CCDC97: variants seen among roughly 807,000 people sequenced by gnomAD.
The protein encoded by CCDC97 is coiled-coil domain-containing protein 97.
Under a neutral mutation model 33.9 loss-of-function variants are expected in CCDC97, and 27 were observed. The ratio of observed to expected loss-of-function variants is 0.80; its 90% confidence interval spans 0.59 to 1.10. The LOEUF is 1.10. CCDC97 is among the 50% of genes least tolerant of loss of function. The pLI is 0.00. For synonymous variants in CCDC97, 217 were observed against 194.0 expected, an observed-to-expected ratio of 1.12 and a Z score of -0.99; for missense variants, 422 against 476.6, an observed-to-expected ratio of 0.89 and a Z score of 1.07.
In CCDC97 at chr19:41,323,167, T is replaced by C. The variant is rs1381682619; in HGVS notation, c.*452T>C. 2 of 163,748 alleles carry C rather than the reference T, an allele frequency of 1.2e-5. No individual in the cohort carries two copies. The highest frequency in any genetic ancestry group is 1.4e-4 in the South Asian group (1 of 7,102). 10.1% of individuals were successfully genotyped at this position (163,748 alleles called of 1,614,324 possible). On this transcript the variant is annotated 3_prime_UTR_variant, in exon 5 of 5. Coordinates refer to ENST00000269967, the MANE Select transcript of CCDC97 (RefSeq NM_052848.3). ...CTGGAAGTGGCCAGTTTGGTTCCGG[T>C]GCTGACCCCTAGGCCCCAGCGCAGC... is the stretch of plus-strand genomic sequence containing the variant.
chr19:41,320,691 G>A, intron 4 of CCDC97: 1 of 539,438 alleles, frequency 1.9e-6, no homozygotes. Context: ...CTAAGGCAGG[G>A]GATGGACAGG....
In CCDC97 at chr19:41,320,438, C is replaced by T; in HGVS notation, c.879C>T (p.Phe293=). 1 of 1,614,150 alleles carries T rather than the reference C, an allele frequency of 6.2e-7. No homozygotes were observed. Among genetic ancestry groups the T allele is most frequent in the Non-Finnish European group, 8.5e-7 (1 of 1,180,022 alleles). ...EEFTSRMHQR[F]LDGKDGDFDY... ...TCACCAGCCGCATGCACCAGCGCTT[C>T]CTAGATGGCAAGGACGGGGACTTTG... is the stretch of plus-strand genomic sequence containing the variant. Residue 293 remains phenylalanine (F), a synonymous_variant, in exon 4 of 5, where the codon TTC becomes TTT. Coordinates refer to ENST00000269967, the MANE Select transcript of CCDC97 (RefSeq NM_052848.3).
chr19:41,320,283 TGCTCA>T, intron 3 of CCDC97, 53 bp from the exon 4 acceptor site: 2 of 1,605,192 alleles, frequency 1.2e-6, no homozygotes, highest in Non-Finnish European at 8.5e-7. Flanking sequence ...GTGGACTCTG[TGCTCA>T]GTGCCTGCCC....
Position 41,322,840 on chromosome 19 carries a change from A to C in CCDC97, c.*125A>C. 2 of 1,092,174 alleles carry C rather than the reference A, an allele frequency of 1.8e-6. No homozygotes were observed. The highest frequency in any genetic ancestry group is 2.6e-6 in the Non-Finnish European group (2 of 770,860). 67.7% of individuals were successfully genotyped at this position (1,092,174 alleles called of 1,614,324 possible). A position where few individuals can be genotyped will look rare whatever the true frequency, so the allele number is the denominator to read the frequency against. On this transcript the variant is annotated 3_prime_UTR_variant, in exon 5 of 5. Coordinates refer to ENST00000269967, the MANE Select transcript of CCDC97 (RefSeq NM_052848.3). ...CAGTGCCCCACAACCCACACACACC[A>C]CCATCTCACTGGGTCTAGTCTCATC... is the stretch of plus-strand genomic sequence containing the variant.
At chr19:41,310,449 T>C in intron 1 of CCDC97, 93 bp downstream of exon 1, 3 of 1,530,912 alleles carry the variant, frequency 2.0e-6, no homozygotes, top group Non-Finnish European at 2.6e-6. Flanking sequence ...GGACTCGTTT[T>C]AGGGGGACAC....
intron 1 of CCDC97, among the ~76,000 whole-genome samples, chr19:41,315,427 C>T (rs1007653938): frequency 3.3e-5 from 5 of 150,622 alleles, no homozygotes; most frequent in South Asian, 2.1e-4. Context: ...GCCAACATAG[C>T]GAAACCCTGT....
At chr19:41,319,956 C>T (rs1036877282) in intron 3 of CCDC97, 104 bp downstream of exon 3, 7 of 634,200 alleles carry the variant, frequency 1.1e-5, no homozygotes, top group South Asian at 1.9e-5. Flanking sequence ...CTGCAAAAGC[C>T]GACATTGCGT....
At chr19:41,313,401 T>C (rs1027919693) in intron 1 of CCDC97, among the ~76,000 whole-genome samples, 1 of 152,114 alleles carries the variant, frequency 6.6e-6, no homozygotes, top group Admixed American at 6.6e-5. Context: ...GTCAGCCCTG[T>C]GGCTCCTCCA....
chr19:41,318,604 G>A (rs1306399140), intron 2 of CCDC97, among the ~76,000 whole-genome samples: 2 of 152,178 alleles, frequency 1.3e-5, no homozygotes, highest in Non-Finnish European at 2.9e-5. Context: ...CCTGGACTCT[G>A]AAGACACGGC....
chr19:41,322,022 G>A (rs1416013953), intron 4 of CCDC97, among the ~76,000 whole-genome samples: 3 of 152,244 alleles, frequency 2.0e-5, no homozygotes, highest in Non-Finnish European at 4.4e-5. Context: ...GTGGTTCTTT[G>A]TTGAGAGCCA....
At chr19:41,315,332 G>T (rs1200509751) in intron 1 of CCDC97, among the ~76,000 whole-genome samples, 1 of 148,592 alleles carries the variant, frequency 6.7e-6, no homozygotes, top group African/African-American at 2.5e-5. Context: ...TTGGCAGGGT[G>T]CAGTGGCACA....
intron 1 of CCDC97, among the ~76,000 whole-genome samples, chr19:41,312,848 C>T (rs2037702728): frequency 6.6e-6 from 1 of 152,036 alleles, no homozygotes; most frequent in African/African-American, 2.4e-5. Flanking sequence ...TACGTGATCT[C>T]GGTTCACTGC....
At position 41,310,316 on chromosome 19, in the gene CCDC97, G is replaced by A; in HGVS notation, c.6G>A (p.Glu2=). The change falls in exon 1 of 5, where the codon GAG becomes GAA. Residue 2 remains glutamate, a synonymous_variant. Transcript: ENST00000269967. Reference sequence around the variant, plus strand: ...AAAAGTCCGAGAGAATCAGGATGGAGGCCGTGGCGACGGCGACGGCGGCGA... The same window carrying A: ...AAAAGTCCGAGAGAATCAGGATGGAAGCCGTGGCGACGGCGACGGCGGCGA... The part of the protein sequence containing the change: M[E]AVATATAAKE... The A allele has an allele frequency of 1.2e-6, 2 of 1,604,606 alleles. No individual in the cohort carries two copies. The highest frequency in any genetic ancestry group is 1.7e-4 in the Middle Eastern group (1 of 6,048).
At position 41,310,216 on chromosome 19, in the gene CCDC97, C is replaced by T. The variant is rs933769385; in HGVS notation, c.-95C>T. The T allele has an allele frequency of 7.2e-6, 11 of 1,521,468 alleles. No homozygotes were observed. In the African/African-American group the frequency reaches 1.2e-4, roughly 17 times the overall value. 94.2% of individuals were successfully genotyped at this position (1,521,468 alleles called of 1,614,324 possible). The stretch of plus-strand genomic sequence containing the variant: ...CTGGGCGCAGCGGTGCACCCGGACC[C>T]GGAACATTCTCAGGCGAAAGTGTCT... On this transcript the variant is annotated 5_prime_UTR_variant, in exon 1 of 5. Coordinates refer to ENST00000269967, the MANE Select transcript of CCDC97 (RefSeq NM_052848.3).
chr19:41,318,367 A>G (rs930272987), intron 2 of CCDC97, among the ~76,000 whole-genome samples: 1 of 152,170 alleles, frequency 6.6e-6, no homozygotes, highest in Non-Finnish European at 1.5e-5. Flanking sequence ...CAGGAGAATC[A>G]CTTGAACCCG....
intron 1 of CCDC97, 74 bp from the exon 2 acceptor site, chr19:41,316,310 C>G (rs560458773): frequency 6.5e-5 from 77 of 1,184,534 alleles, no homozygotes; most frequent in Admixed American, 5.0e-4. Flanking sequence ...TAAATGTGAG[C>G]TGAGTGAGTG....
chr19:41,320,274 T>C lies in CCDC97; in HGVS notation c.782-67T>C, dbSNP rs1365356394. 4.4e-6 allele frequency: 7 copies of C among 1,597,558 alleles called. No homozygotes were observed. The East Asian group carries it at 1.1e-4, about 26-fold the overall frequency. Reference sequence around the variant, plus strand: ...TGGGCACAGGAGCAGCAGCTCTCTGTGGACTCTGTGCTCAGTGCCTGCCCG... The same window carrying C: ...TGGGCACAGGAGCAGCAGCTCTCTGCGGACTCTGTGCTCAGTGCCTGCCCG... On this transcript the variant is annotated intron_variant, in intron 3 of 4. Transcript: ENST00000269967.
In CCDC97 at chr19:41,316,728, C is replaced by T. The variant is rs551538141; in HGVS notation, c.391C>T (p.Arg131Cys). The T allele has an allele frequency of 2.0e-5, 32 of 1,613,566 alleles. No homozygotes were observed. The highest frequency in any genetic ancestry group is 3.3e-5 in the South Asian group (3 of 91,074). ...ACFGHVRGDH[R>C]ADFYCAEVAR... ...CTTTGGCCACGTGCGTGGCGACCAC[C>T]GTGCAGACTTCTACTGTGCTGAGGT... Residue 131 changes from arginine to cysteine, a missense_variant, in exon 2 of 5, where the codon CGT becomes TGT. Arg to Cys is a radical substitution (Grantham distance 180). Transcript: ENST00000269967.
In CCDC97 at chr19:41,316,755, G is replaced by GC; in HGVS notation, c.421dup (p.Arg141ProfsTer16). 1 of 1,613,120 alleles carries GC rather than the reference G, an allele frequency of 6.2e-7. No individual in the cohort carries two copies. Among genetic ancestry groups the GC allele is most frequent in the Non-Finnish European group, 8.5e-7 (1 of 1,179,506 alleles). On this transcript the variant is annotated frameshift_variant, in exon 2 of 5. Transcript: ENST00000269967. LOFTEE classifies it high-confidence loss of function. Reference sequence around the variant, plus strand: ...TGCAGACTTCTACTGTGCTGAGGTGGCCCGGCAGGGCACTGCCCGGCCCCG... The same window carrying GC: ...TGCAGACTTCTACTGTGCTGAGGTGGCCCCGGCAGGGCACTGCCCGGCCCCG...
Sources: gnomAD v4.1 joint callset for allele counts (sites outside exome capture counted in the v4.1 genomes callset) on GRCh38, gnomAD v4.1.1 for gene constraint, MANE v1.5 for transcripts, NCBI Gene and HGNC (gene_info 2026-07-23, HGNC 2026-07-21) for gene names.